The following DDC variants were observed in gnomAD, a reference collection of about 807,000 sequenced individuals.
DDC encodes aromatic-L-amino-acid decarboxylase.
In DDC, 43 loss-of-function variants were observed where a neutral mutation model predicts 60.0. That is an observed-to-expected ratio of 0.72 (90% CI 0.56 to 0.92). The LOEUF is 0.92. DDC is among the 40% of genes least tolerant of loss of function. The pLI, the probability that DDC is intolerant of heterozygous loss-of-function variation, is 0.00. For synonymous variants in DDC, 232 were observed against 234.6 expected, an observed-to-expected ratio of 0.99 and a Z score of 0.10; for missense variants, 573 against 620.2, an observed-to-expected ratio of 0.92 and a Z score of 0.81.
rs753516133 is a variant in DDC at position 50,467,205 on chromosome 7, T to C, written c.1242+9A>G. On this transcript the variant is annotated intron_variant, in intron 13 of 14. Transcript: ENST00000444124. The stretch of plus-strand genomic sequence containing the variant: ...CAGAAAATGAAGAATGGAATAGATG[T>C]AGACAAACCTTTAGCCGAAAGCAGA... 6.2e-7 allele frequency: 1 copy of C among 1,609,454 alleles called. No homozygotes were observed. The highest frequency in any genetic ancestry group is 1.7e-5 in the Admixed American group (1 of 60,014).
In DDC at chr7:50,528,924, T is replaced by C. The variant is rs11575339; in HGVS notation, c.570+284A>G. Among the ~76,000 whole-genome samples the C allele has an allele frequency of 0.013, 1,927 of 152,236 alleles. 51 individuals are homozygous for C. The highest frequency in any genetic ancestry group is 0.045 in the African/African-American group (1,851 of 41,540). ...ATCCCCATATCTAGTTTCTCTGCAA[T>C]GGTGCTCGGAAGGCCAGATAATCAC... On this transcript the variant is annotated intron_variant, in intron 5 of 14. Coordinates refer to ENST00000444124, the MANE Select transcript of DDC (RefSeq NM_001082971.2).
At chr7:50,461,558 C>T (rs2042273432) in intron 14 of DDC, among the ~76,000 whole-genome samples, 15 of 152,242 alleles carry the variant, frequency 9.9e-5, no homozygotes, top group Admixed American at 9.8e-4. Context: ...CAGAGCTACA[C>T]TCTCCACATA....
intron 6 of DDC, among the ~76,000 whole-genome samples, chr7:50,517,507 A>G (rs1254597465): frequency 6.6e-6 from 1 of 152,188 alleles, no homozygotes; most frequent in African/African-American, 2.4e-5. Context: ...TCCCTCTGAG[A>G]ACTGGAACAT....
chr7:50,490,919 G>C (rs2042985950), intron 9 of DDC, among the ~76,000 whole-genome samples: 1 of 152,046 alleles, frequency 6.6e-6, no homozygotes, highest in Admixed American at 6.5e-5. Flanking sequence ...AATACAATTG[G>C]GGAACTGGAA....
At chr7:50,466,103 A>C (rs1480340633) in intron 13 of DDC, among the ~76,000 whole-genome samples, 4 of 152,172 alleles carry the variant, frequency 2.6e-5, no homozygotes, top group African/African-American at 4.8e-5. Context: ...GCCCCTTGAC[A>C]ATGACACTGA....
At chr7:50,503,746 T>C (rs962146116) in intron 7 of DDC, among the ~76,000 whole-genome samples, 1 of 152,186 alleles carries the variant, frequency 6.6e-6, no homozygotes, top group African/African-American at 2.4e-5. Context: ...ACTTCTATAT[T>C]GCTCGGATTT....
chr7:50,504,697 G>A (rs1039693970), intron 6 of DDC, among the ~76,000 whole-genome samples: 5 of 151,722 alleles, frequency 3.3e-5, no homozygotes, highest in Non-Finnish European at 5.9e-5. Context: ...GTTTGGGGGG[G>A]TGTGTGTGTG....
chr7:50,511,113 G>A (rs2043564646), intron 6 of DDC, among the ~76,000 whole-genome samples: 1 of 145,588 alleles, frequency 6.9e-6, no homozygotes, highest in African/African-American at 2.6e-5. Flanking sequence ...TTTAATAGGA[G>A]TTCATAAAAT....
At chr7:50,463,777 C>G (rs1441434358) in intron 13 of DDC, among the ~76,000 whole-genome samples, 2 of 152,096 alleles carry the variant, frequency 1.3e-5, no homozygotes, top group African/African-American at 4.8e-5. Flanking sequence ...CTGATGGCAC[C>G]AGGGGAGGAG....
intron 6 of DDC, among the ~76,000 whole-genome samples, chr7:50,505,797 C>G (rs147981101): frequency 1.4e-4 from 22 of 152,348 alleles, no homozygotes; most frequent in African/African-American, 5.1e-4. Context: ...TGGAAGGGCT[C>G]TCTGTGTCAC....
At chr7:50,480,930 G>C (rs538351242) in intron 9 of DDC, among the ~76,000 whole-genome samples, 1 of 152,332 alleles carries the variant, frequency 6.6e-6, no homozygotes, top group Non-Finnish European at 1.5e-5. Flanking sequence ...CACTGGGCTG[G>C]CCTTTGAAGG....
intron 1 of DDC, among the ~76,000 whole-genome samples, chr7:50,548,826 T>C (rs867646933): frequency 3.3e-5 from 5 of 152,238 alleles, no homozygotes; most frequent in African/African-American, 1.2e-4. Context: ...AGGGCTTTCA[T>C]AGCCAGAGAG....
At chr7:50,534,911 C>G (rs535335939) in intron 4 of DDC, among the ~76,000 whole-genome samples, 2 of 152,176 alleles carry the variant, frequency 1.3e-5, no homozygotes, top group Admixed American at 6.5e-5. Context: ...GCACTGGCTG[C>G]GGACAGTGTG....
chr7:50,519,874 C>T (rs2153543706), intron 6 of DDC, among the ~76,000 whole-genome samples: 1 of 152,168 alleles, frequency 6.6e-6, no homozygotes, highest in African/African-American at 2.4e-5. Context: ...CCACCTGTAC[C>T]CTAATAACTT....
chr7:50,463,393 T>C lies in DDC; in HGVS notation c.1281A>G (p.Ile427Met), dbSNP rs2042327739. The C allele has an allele frequency of 6.2e-7, 1 of 1,614,204 alleles. No homozygotes were observed. The highest frequency in any genetic ancestry group is 8.5e-7 in the Non-Finnish European group (1 of 1,180,030). The change falls in exon 14 of 15, where the codon ATA becomes ATG. Residue 427 changes from isoleucine to methionine, a missense_variant. Coordinates refer to ENST00000444124, the MANE Select transcript of DDC (RefSeq NM_001082971.2). The stretch of plus-strand genomic sequence containing the variant: ...CCAAGTGGATTTTTTTGGCACTGTT[T>C]ATTCTTTGCAGAAGAGCTTCATTCA... Reference protein sequence around the residue: ...NKVNEALLQRINSAKKIHLVP... With the variant: ...NKVNEALLQRMNSAKKIHLVP...
At chr7:50,529,465 A>T in intron 4 of DDC, 123 bp from the exon 5 acceptor site, 1 of 1,144,006 alleles carries the variant, frequency 8.7e-7, no homozygotes, top group South Asian at 1.3e-5. Context: ...GAAATGGCAA[A>T]ATTCACTCTC....
At chr7:50,516,397 C>T (rs2043732428) in intron 6 of DDC, among the ~76,000 whole-genome samples, 1 of 152,050 alleles carries the variant, frequency 6.6e-6, no homozygotes, top group Admixed American at 6.5e-5. Context: ...AACGACACAA[C>T]CTACCAAAAC....
chr7:50,481,392 G>A (rs2042764957), intron 9 of DDC, among the ~76,000 whole-genome samples: 1 of 152,130 alleles, frequency 6.6e-6, no homozygotes, highest in East Asian at 1.9e-4. Context: ...GGGTCTCTCT[G>A]CATTAGAGAA....
At chr7:50,509,568 C>T (rs964412616) in intron 6 of DDC, among the ~76,000 whole-genome samples, 10 of 152,162 alleles carry the variant, frequency 6.6e-5, no homozygotes, top group Non-Finnish European at 1.5e-4. Flanking sequence ...TTCATTTCCT[C>T]ATTTGCCCAG....
Sources: gnomAD v4.1 joint callset for allele counts (sites outside exome capture counted in the v4.1 genomes callset) on GRCh38, gnomAD v4.1.1 for gene constraint, MANE v1.5 for transcripts, NCBI Gene and HGNC (gene_info 2026-07-23, HGNC 2026-07-21) for gene names.